The following TNFRSF10D variants were observed in gnomAD, a reference collection of about 807,000 sequenced individuals.
The protein encoded by TNFRSF10D is TNF receptor superfamily member 10d, also known as tumor necrosis factor receptor superfamily member 10D.
A neutral mutation model predicts 42.1 loss-of-function variants in TNFRSF10D; 28 were observed. That is an observed-to-expected ratio of 0.66 (90% CI 0.49 to 0.91). The LOEUF is 0.91. Among genes scored for constraint, TNFRSF10D ranks in the 40% least tolerant of loss-of-function variants. The pLI is 0.00. For missense variants in TNFRSF10D, 503 were observed against 486.1 expected (o/e 1.03, Z -0.33); for synonymous variants, 186 against 189.4 (o/e 0.98, Z 0.15).
At chr8:23,141,873 G>A (rs1198501699) in intron 7 of TNFRSF10D, among the ~76,000 whole-genome samples, 527 of 151,458 alleles carry the variant, frequency 3.5e-3, no homozygotes, top group African/African-American at 0.011. Context: ...TGGTGGGAAT[G>A]TAAATTAGTT....
At chr8:23,162,699 C>T (rs965303581) in intron 1 of TNFRSF10D, among the ~76,000 whole-genome samples, 2 of 152,182 alleles carry the variant, frequency 1.3e-5, no homozygotes, top group African/African-American at 4.8e-5. Flanking sequence ...AGGAAGGGGC[C>T]ATCCCGCGGT....
intron 1 of TNFRSF10D, among the ~76,000 whole-genome samples, chr8:23,161,760 A>G (rs1188329120): frequency 6.6e-6 from 1 of 152,238 alleles, no homozygotes; most frequent in Non-Finnish European, 1.5e-5. Context: ...GGGTGTAGGG[A>G]TACAGGCACA....
chr8:23,162,578 A>G (rs1800386490), intron 1 of TNFRSF10D, among the ~76,000 whole-genome samples: 2 of 152,212 alleles, frequency 1.3e-5, no homozygotes, highest in Non-Finnish European at 2.9e-5. Context: ...TCACTCAGAA[A>G]AAGTCCTGGC....
In TNFRSF10D at chr8:23,163,789, C is replaced by T; in HGVS notation, c.147G>A (p.Leu49=). The T allele has an allele frequency of 6.2e-7, 1 of 1,609,262 alleles. No individual in the cohort carries two copies. The highest frequency in any genetic ancestry group is 1.1e-5 in the South Asian group (1 of 90,118). ...KFVVFIVAVL[L]PVRVDSATIP... Reference sequence around the variant, plus strand: ...AGGGACCGCGGCGGAGACTCACCGGCAGCAGAACCGCGACGATGAAGACGA... The same window carrying T: ...AGGGACCGCGGCGGAGACTCACCGGTAGCAGAACCGCGACGATGAAGACGA... Residue 49 remains leucine (L), a synonymous_variant, in exon 1 of 9, where the codon CTG becomes CTA. Transcript: ENST00000312584.
chr8:23,139,424 T>C (rs527793666), intron 7 of TNFRSF10D, among the ~76,000 whole-genome samples: 6 of 152,340 alleles, frequency 3.9e-5, no homozygotes, highest in East Asian at 1.9e-4. Flanking sequence ...AATCTTTTAA[T>C]TCTAAATTTT....
At chr8:23,155,080 G>A in intron 1 of TNFRSF10D, 101 bp from the exon 2 acceptor site, 2 of 916,988 alleles carry the variant, frequency 2.2e-6, no homozygotes, top group Admixed American at 3.2e-5. Flanking sequence ...AAACCCATGA[G>A]AGCCTGGACT....
At chr8:23,156,010 G>A (rs114016424) in intron 1 of TNFRSF10D, among the ~76,000 whole-genome samples, 903 of 152,036 alleles carry the variant, frequency 5.9e-3, no homozygotes, top group African/African-American at 0.019. Flanking sequence ...AGATAAAACA[G>A]CAATTCAGGG....
At chr8:23,144,138 T>C (rs542206134) in intron 7 of TNFRSF10D, among the ~76,000 whole-genome samples, 2 of 152,258 alleles carry the variant, frequency 1.3e-5, no homozygotes, top group Non-Finnish European at 2.9e-5. Flanking sequence ...CCCTGACTTC[T>C]GTTAGGAGCA....
rs772109814 is a variant in TNFRSF10D, at chr8:23,138,002, G to A, written c.1029C>T (p.Ile343=). The change falls in exon 9 of 9, where the codon ATC becomes ATT. Residue 343 remains isoleucine, a splice_region_variant and synonymous_variant. Coordinates refer to ENST00000312584, the MANE Select transcript of TNFRSF10D (RefSeq NM_003840.5). ...TTGCCGAGGCATCCAGCAAGGTGCT[G>A]ACTGAGAAGAGAGAAGAGATTTAGG... The part of the protein sequence containing the change: ...VPVNDADSAD[I]STLLDASATL... 1.2e-6 allele frequency: 2 copies of A among 1,614,104 alleles called. No homozygotes were observed. Among genetic ancestry groups the A allele is most frequent in the South Asian group, 1.1e-5 (1 of 91,066 alleles).
At chr8:23,158,793 A>T (rs919865051) in intron 1 of TNFRSF10D, among the ~76,000 whole-genome samples, 38 of 152,332 alleles carry the variant, frequency 2.5e-4, no homozygotes, top group Non-Finnish European at 4.7e-4. Flanking sequence ...AGGTTTTTTT[A>T]AAATAGATTT....
intron 1 of TNFRSF10D, among the ~76,000 whole-genome samples, chr8:23,163,089 C>CTCTTTTT (rs766517435): frequency 1.7e-5 from 1 of 57,206 alleles, no homozygotes; most frequent in Non-Finnish European, 3.0e-5. Flanking sequence ...GCCTGGCTAA[C>CTCTTTTT]TTTTTTTTTT....
chr8:23,157,539 C>G (rs1451188577), intron 1 of TNFRSF10D, among the ~76,000 whole-genome samples: 1 of 152,180 alleles, frequency 6.6e-6, no homozygotes, highest in South Asian at 2.1e-4. Context: ...CACTCCTGCT[C>G]TTTAAATGTC....
intron 1 of TNFRSF10D, among the ~76,000 whole-genome samples, chr8:23,161,767 C>A (rs1477614411): frequency 6.6e-6 from 1 of 152,036 alleles, no homozygotes; most frequent in East Asian, 1.9e-4. Flanking sequence ...GGGATACAGG[C>A]ACATGTGTGA....
intron 7 of TNFRSF10D, among the ~76,000 whole-genome samples, chr8:23,140,850 A>C (rs999441755): frequency 6.6e-6 from 1 of 152,218 alleles, no homozygotes; most frequent in Non-Finnish European, 1.5e-5. Flanking sequence ...CTGTGAGTCC[A>C]TTAAACCTCT....
chr8:23,145,084 C>T lies in TNFRSF10D; in HGVS notation c.742G>A (p.Gly248Arg). ...SYLKGICSGG[G>R]GGPERVHRVL... ...CTGTGCACACGTTCGGGACCTCCTC[C>T]ACCACCTGGAAAAGAAGCAGTCTCC... Residue 248 changes from glycine to arginine, a missense_variant, in exon 6 of 9, where the codon GGA (glycine) becomes AGA (arginine). Transcript: ENST00000312584. 6.2e-6 allele frequency: 10 copies of T among 1,614,100 alleles called. No individual in the cohort carries two copies. The highest frequency in any genetic ancestry group is 8.5e-6 in the Non-Finnish European group (10 of 1,179,990).
chr8:23,147,894 C>G (rs1800146355), intron 3 of TNFRSF10D, among the ~76,000 whole-genome samples: 1 of 151,780 alleles, frequency 6.6e-6, no homozygotes, highest in Non-Finnish European at 1.5e-5. Context: ...AACCCCGTCT[C>G]TACTAAAAAT....
chr8:23,138,570 TA>T (rs1331636869), intron 7 of TNFRSF10D, among the ~76,000 whole-genome samples: 2 of 152,114 alleles, frequency 1.3e-5, no homozygotes, highest in Admixed American at 6.6e-5. Context: ...CTGCCCCATC[TA>T]ATCAACTCCC....
intron 1 of TNFRSF10D, among the ~76,000 whole-genome samples, chr8:23,160,352 T>C (rs367781313): frequency 6.2e-3 from 937 of 152,072 alleles, no homozygotes; most frequent in African/African-American, 0.019. Context: ...GGGAGGGGAC[T>C]CCGAAGAGCC....
intron 1 of TNFRSF10D, 60 bp downstream of exon 1, chr8:23,163,726 C>CT: frequency 6.3e-7 from 1 of 1,578,714 alleles, no homozygotes; most frequent in Non-Finnish European, 8.6e-7. Context: ...CCCTCTCTCC[C>CT]TGCCCACTCC....
Sources: gnomAD v4.1 joint callset for allele counts (sites outside exome capture counted in the v4.1 genomes callset) on GRCh38, gnomAD v4.1.1 for gene constraint, MANE v1.5 for transcripts, NCBI Gene and HGNC (gene_info 2026-07-23, HGNC 2026-07-21) for gene names.